WT1: variants seen among roughly 807,000 people sequenced by gnomAD.
The protein encoded by WT1 is Wilms tumor protein.
A neutral mutation model predicts 60.8 loss-of-function variants in WT1; 8 were observed. The observed-to-expected ratio is 0.13, with a 90% CI of 0.08 to 0.24. WT1 has a LOEUF of 0.24. WT1 is among the 10% of genes least tolerant of loss of function. WT1 has a pLI of 1.00. For synonymous variants in WT1, 312 were observed against 297.1 expected, an observed-to-expected ratio of 1.05 and a Z score of -0.52; for missense variants, 568 against 711.8, an observed-to-expected ratio of 0.80 and a Z score of 2.30.
At chr11:32,415,814 G>T (rs1389432270) in intron 5 of WT1, among the ~76,000 whole-genome samples, 2 of 152,064 alleles carry the variant, frequency 1.3e-5, no homozygotes, top group African/African-American at 4.8e-5. Context: ...TGGGGGCGGG[G>T]GTGAGGTGAA....
chr11:32,415,359 G>A (rs1252928364), intron 5 of WT1, among the ~76,000 whole-genome samples: 2 of 152,126 alleles, frequency 1.3e-5, no homozygotes, highest in African/African-American at 4.8e-5. Context: ...GTTAAGAACA[G>A]GTAGAAAGGC....
intron 4 of WT1, among the ~76,000 whole-genome samples, chr11:32,417,017 G>A (rs1358206523): frequency 1.1e-4 from 16 of 152,140 alleles, no homozygotes; most frequent in Admixed American, 1.0e-3. Context: ...AGTCCCACCT[G>A]CCTTCTTTTT....
intron 5 of WT1, among the ~76,000 whole-genome samples, chr11:32,405,738 C>T (rs1196195536): frequency 6.6e-6 from 1 of 152,104 alleles, no homozygotes; most frequent in Non-Finnish European, 1.5e-5. Context: ...GCTTGGTATG[C>T]ACTCAATAAG....
At position 32,389,024 on chromosome 11, in the gene WT1, C is replaced by T. The variant is rs2132896312; in HGVS notation, c.*34G>A. 2.5e-6 allele frequency: 4 copies of T among 1,614,032 alleles called. No homozygotes were observed. The highest frequency in any genetic ancestry group is 3.4e-6 in the Non-Finnish European group (4 of 1,179,970). Reference sequence around the variant, plus strand: ...TGAAAGCAGTTCACACACTGTGCTGCCTGGGACACTGAACGGTCCCCGAGG... The same window carrying T: ...TGAAAGCAGTTCACACACTGTGCTGTCTGGGACACTGAACGGTCCCCGAGG... On this transcript the variant is annotated 3_prime_UTR_variant, in exon 10 of 10. Coordinates refer to ENST00000452863, the MANE Select transcript of WT1 (RefSeq NM_024426.6).
intron 5 of WT1, among the ~76,000 whole-genome samples, chr11:32,409,929 T>C (rs1852442866): frequency 6.6e-6 from 1 of 152,040 alleles, no homozygotes. Flanking sequence ...TTTCTTTTTT[T>C]ATTTTTGTAT....
intron 1 of WT1, chr11:32,430,542 C>T: frequency 6.2e-7 from 1 of 1,607,748 alleles, no homozygotes; most frequent in Non-Finnish European, 8.5e-7. Flanking sequence ...TTCTCCATTC[C>T]TGAGCCCAGG....
intron 5 of WT1, among the ~76,000 whole-genome samples, chr11:32,416,247 G>A (rs987316642): frequency 2.0e-5 from 3 of 152,128 alleles, no homozygotes; most frequent in African/African-American, 7.2e-5. Flanking sequence ...GAAATGAACA[G>A]GATGCTGCAT....
chr11:32,415,602 G>A (rs1852642899), intron 5 of WT1, among the ~76,000 whole-genome samples: 1 of 152,190 alleles, frequency 6.6e-6, no homozygotes, highest in South Asian at 2.1e-4. Context: ...GAGCGAGATG[G>A]CACCATTGCA....
chr11:32,417,452 A>G, intron 4 of WT1, 125 bp downstream of exon 4: 1 of 861,176 alleles, frequency 1.2e-6, no homozygotes, highest in Non-Finnish European at 1.9e-6. Flanking sequence ...AAGCGTTCTA[A>G]TGTCACAGAG....
At chr11:32,432,158 G>A (rs1181839057) in intron 1 of WT1, among the ~76,000 whole-genome samples, 2 of 152,234 alleles carry the variant, frequency 1.3e-5, no homozygotes, top group African/African-American at 2.4e-5. Flanking sequence ...ACATGCTTGT[G>A]AAGTTTTGGG....
At chr11:32,397,065 C>T (rs901973523) in intron 6 of WT1, among the ~76,000 whole-genome samples, 4 of 152,232 alleles carry the variant, frequency 2.6e-5, no homozygotes, top group African/African-American at 9.6e-5. Context: ...GTGCTCTGCA[C>T]ACGTCCTTTG....
At position 32,420,176 on chromosome 11, in the gene WT1, T is replaced by C. The variant is rs574986798; in HGVS notation, c.888-2522A>G. 5.9e-5 allele frequency among the ~76,000 whole-genome samples: 9 copies of C among 152,352 alleles called. No individual in the cohort carries two copies. The South Asian group carries it at 8.3e-4, about 14-fold the overall frequency. ...ATTTTTTGCTATATTGAGTCAAATATGCTATTTGAAAAATTAATTCCACAG... is the reference window on the plus strand; with the variant it reads ...ATTTTTTGCTATATTGAGTCAAATACGCTATTTGAAAAATTAATTCCACAG... On this transcript the variant is annotated intron_variant, in intron 3 of 9. Coordinates refer to ENST00000452863, the MANE Select transcript of WT1 (RefSeq NM_024426.6).
intron 1 of WT1, among the ~76,000 whole-genome samples, chr11:32,433,736 C>T (rs963607737): frequency 6.6e-6 from 1 of 152,234 alleles, no homozygotes; most frequent in Non-Finnish European, 1.5e-5. Flanking sequence ...GAGAGGTGGG[C>T]GGGCATCGGC....
Position 32,392,646 on chromosome 11 carries a change from T to C in WT1, c.1354+20A>G. The C allele has an allele frequency of 6.2e-7, 1 of 1,611,440 alleles. No homozygotes were observed. The highest frequency in any genetic ancestry group is 1.7e-4 in the Middle Eastern group (1 of 6,052). On this transcript the variant is annotated intron_variant, in intron 8 of 9. Transcript: ENST00000452863. Reference sequence around the variant, plus strand: ...CCCAAGGGAACACAGCTGCCAGCAATGAGAAGTGAACCTACAAACCTGTAT... The same window carrying C: ...CCCAAGGGAACACAGCTGCCAGCAACGAGAAGTGAACCTACAAACCTGTAT...
intron 5 of WT1, among the ~76,000 whole-genome samples, chr11:32,413,355 G>A (rs16923260): frequency 0.1 from 15,524 of 152,164 alleles, 1,211 homozygotes; most frequent in African/African-American, 0.22. Flanking sequence ...TTGTCTTCAT[G>A]GAATACCTTT....
intron 5 of WT1, among the ~76,000 whole-genome samples, chr11:32,405,407 C>G (rs10835901): frequency 0.27 from 41,431 of 151,446 alleles, 6,383 homozygotes; most frequent in East Asian, 0.68. Context: ...CTAGATGGCA[C>G]CACTGCACTC....
chr11:32,421,656 T>C (rs1262100609), intron 3 of WT1, among the ~76,000 whole-genome samples: 1 of 152,150 alleles, frequency 6.6e-6, no homozygotes, highest in East Asian at 1.9e-4. Context: ...TAGTAGATCA[T>C]ATAGAGTTTG....
At position 32,408,208 on chromosome 11, in the gene WT1, T is replaced by A. The variant is rs1257108457; in HGVS notation, c.1017-8164A>T. On this transcript the variant is annotated intron_variant, in intron 5 of 9. Coordinates refer to ENST00000452863, the MANE Select transcript of WT1 (RefSeq NM_024426.6). ...AGCCTGGCTACAGAGTGAAACTCCA[T>A]CTCAGAAAAAAAAAAAAAAAAATGC... Among the ~76,000 whole-genome samples the A allele has an allele frequency of 1.0e-4, 11 of 108,852 alleles. No homozygotes were observed. In the Admixed American group the frequency reaches 1.1e-3, roughly 10 times the overall value. 71.4% of individuals were successfully genotyped at this position (108,852 alleles called of 152,430 possible).
intron 7 of WT1, among the ~76,000 whole-genome samples, chr11:32,395,177 A>G (rs905694336): frequency 2.0e-5 from 3 of 152,234 alleles, no homozygotes; most frequent in African/African-American, 7.2e-5. Flanking sequence ...CCCAAGAGCA[A>G]AATCAGCAGT....
Sources: allele counts gnomAD v4.1 joint callset (sites outside exome capture counted in the v4.1 genomes callset), GRCh38; gene constraint gnomAD v4.1.1; transcripts MANE v1.5; gene names NCBI Gene and HGNC (gene_info 2026-07-23, HGNC 2026-07-21).